Variants in ZFYVE16 observed in about 807,000 individuals in gnomAD.
ZFYVE16 encodes zinc finger FYVE domain-containing protein 16.
Under a neutral mutation model 138.1 loss-of-function variants are expected in ZFYVE16, and 89 were observed. The observed-to-expected ratio is 0.64, with a 90% CI of 0.54 to 0.77. ZFYVE16 has a LOEUF of 0.77. Among genes scored for constraint, ZFYVE16 ranks in the 30% least tolerant of loss-of-function variants. ZFYVE16 has a pLI of 0.00. For synonymous variants in ZFYVE16, 596 were observed against 618.3 expected, an observed-to-expected ratio of 0.96 and a Z score of 0.53; for missense variants, 1,793 against 1,786.7, an observed-to-expected ratio of 1.00 and a Z score of -0.06.
At chr5:80,440,088 T>C (rs1750499286) in intron 5 of ZFYVE16, 56 bp downstream of exon 5, 4 of 1,541,904 alleles carry the variant, frequency 2.6e-6, no homozygotes, top group East Asian at 4.7e-5. Flanking sequence ...TTAAAATTAA[T>C]TGGATTGTGA....
At position 80,421,038 on chromosome 5, in the gene ZFYVE16, GATGGCCA is replaced by G. The variant is rs560724438; in HGVS notation, c.-93-6453_-93-6447del. Among the ~76,000 whole-genome samples, 749 of 152,320 alleles carry G rather than the reference GATGGCCA, an allele frequency of 4.9e-3. 12 individuals carry two copies. Among genetic ancestry groups the G allele is most frequent in the Non-Finnish European group, 3.5e-3 (235 of 68,038 alleles). ...TTGTGGTTTTGATCTGCATTTCTCT[GATGGCCA>G]GTGATGATGAGCATTTTTTCATGTG... is the stretch of plus-strand genomic sequence containing the variant. On this transcript the variant is annotated intron_variant, in intron 1 of 18. Coordinates refer to ENST00000505560, the MANE Select transcript of ZFYVE16 (RefSeq NM_001284236.3).
rs1196040239 is a variant in ZFYVE16 at position 80,433,506 on chromosome 5, C to A, written c.-39-603C>A. On this transcript the variant is annotated intron_variant, in intron 2 of 18. Transcript: ENST00000505560. The stretch of plus-strand genomic sequence containing the variant: ...AATGTAAATGATGAGTTAATGGGTG[C>A]AGCACACCAACATGGGACATGTATA... Among the ~76,000 whole-genome samples the A allele has an allele frequency of 3.3e-5, 5 of 152,088 alleles. No homozygotes were observed. In the East Asian group the frequency reaches 5.8e-4, roughly 18 times the overall value.
intron 7 of ZFYVE16, among the ~76,000 whole-genome samples, chr5:80,447,301 A>T (rs1751483608): frequency 6.6e-6 from 1 of 150,856 alleles, no homozygotes. Flanking sequence ...GAGAGAAAAG[A>T]TGAATATTTA....
At chr5:80,424,099 C>G (rs1747645211) in intron 1 of ZFYVE16, among the ~76,000 whole-genome samples, 1 of 151,490 alleles carries the variant, frequency 6.6e-6, no homozygotes, top group African/African-American at 2.4e-5. Flanking sequence ...GTGCCTGCCA[C>G]CATGCCCAGC....
At position 80,478,563 on chromosome 5, in the gene ZFYVE16, T is replaced by A. The variant is rs924949075; in HGVS notation, c.*1186T>A. On this transcript the variant is annotated 3_prime_UTR_variant, in exon 19 of 19. Coordinates refer to ENST00000505560, the MANE Select transcript of ZFYVE16 (RefSeq NM_001284236.3). The stretch of plus-strand genomic sequence containing the variant: ...AGTTATGTAAAAAATTTAATCATTA[T>A]TTTGATGCTTTAAACATTCTCATGT... 8 of 152,142 alleles carry A rather than the reference T, an allele frequency of 5.3e-5. No homozygotes were observed. Among genetic ancestry groups the A allele is most frequent in the Admixed American group, 2.6e-4 (4 of 15,276 alleles). The allele number at this position is 152,142 out of a possible 1,614,324, so 9.4% of individuals were successfully genotyped here. A position where few individuals can be genotyped will look rare whatever the true frequency, so the allele number is the denominator to read the frequency against.
At chr5:80,425,288 T>C (rs1747832023) in intron 1 of ZFYVE16, among the ~76,000 whole-genome samples, 1 of 152,234 alleles carries the variant, frequency 6.6e-6, no homozygotes, top group Non-Finnish European at 1.5e-5. Flanking sequence ...CATTCAGTTC[T>C]CTCTTAAGCT....
Position 80,480,995 on chromosome 5 carries a change from A to G in ZFYVE16, c.*3618A>G, listed in dbSNP as rs1280749598. On this transcript the variant is annotated 3_prime_UTR_variant, in exon 19 of 19. Transcript: ENST00000505560. The stretch of plus-strand genomic sequence containing the variant: ...GTCCAAGGAACAATTTGCTGTTTCT[A>G]GTCAGAGGACCAGAAAGGAGGTTGG... Among the ~76,000 whole-genome samples the G allele has an allele frequency of 6.6e-6, 1 of 152,228 alleles. No homozygotes were observed. The highest frequency in any genetic ancestry group is 1.5e-5 in the Non-Finnish European group (1 of 68,038).
At chr5:80,454,991 A>G (rs564613455) in intron 11 of ZFYVE16, 39 of 152,270 alleles carry the variant, frequency 2.6e-4, no homozygotes, top group African/African-American at 9.4e-4. Flanking sequence ...ACCCCCTATA[A>G]TTTTGTGGAA....
chr5:80,414,183 G>A (rs887496809), intron 1 of ZFYVE16, among the ~76,000 whole-genome samples: 1 of 151,700 alleles, frequency 6.6e-6, no homozygotes, highest in African/African-American at 2.4e-5. Context: ...TGTGTCTTTT[G>A]TATTCTTTAT....
At chr5:80,452,830 G>T (rs185011553) in intron 11 of ZFYVE16, among the ~76,000 whole-genome samples, 211 of 152,238 alleles carry the variant, frequency 1.4e-3, no homozygotes, top group Non-Finnish European at 2.1e-3. Flanking sequence ...GTATGTACGT[G>T]TGTGTATTTA....
At chr5:80,411,780 C>A (rs1253132581) in intron 1 of ZFYVE16, 1 of 152,200 alleles carries the variant, frequency 6.6e-6, no homozygotes, top group Non-Finnish European at 1.5e-5. Context: ...CAAGGTACTT[C>A]AAACAGTCCA....
rs554712807 is a variant in ZFYVE16 at position 80,481,315 on chromosome 5, G to A, written c.*3938G>A. Among the ~76,000 whole-genome samples the A allele has an allele frequency of 6.2e-4, 94 of 152,310 alleles. No individual in the cohort carries two copies. The highest frequency in any genetic ancestry group is 2.1e-3 in the African/African-American group (88 of 41,572). On this transcript the variant is annotated 3_prime_UTR_variant, in exon 19 of 19. Transcript: ENST00000505560. ...GTTCTAGAAACCAGAGTATAGGTAA[G>A]ATCACAAATAGGAGGGAACTGAAGA... is the stretch of plus-strand genomic sequence containing the variant.
At chr5:80,423,686 C>T (rs755230876) in intron 1 of ZFYVE16, among the ~76,000 whole-genome samples, 24 of 152,024 alleles carry the variant, frequency 1.6e-4, no homozygotes, top group Non-Finnish European at 2.9e-4. Flanking sequence ...CGGGCACCCG[C>T]CACCATGCCT....
At chr5:80,444,532 A>G (rs1483978002) in intron 6 of ZFYVE16, among the ~76,000 whole-genome samples, 1 of 151,882 alleles carries the variant, frequency 6.6e-6, no homozygotes, top group Non-Finnish European at 1.5e-5. Flanking sequence ...GAAAAGAGAA[A>G]AATGTTTATG....
Position 80,478,584 on chromosome 5 carries a change from CAT to C in ZFYVE16, c.*1208_*1209del, listed in dbSNP as rs1052685948. ...ATTATTTTGATGCTTTAAACATTCT[CAT>C]GTGTAATATATGTTTTTGTATCAAA... On this transcript the variant is annotated 3_prime_UTR_variant, in exon 19 of 19. Transcript: ENST00000505560. 3.9e-5 allele frequency: 6 copies of C among 151,960 alleles called. No individual in the cohort carries two copies. The highest frequency in any genetic ancestry group is 2.1e-4 in the South Asian group (1 of 4,834). 9.4% of individuals were successfully genotyped at this position (151,960 alleles called of 1,614,324 possible). A position where few individuals can be genotyped will look rare whatever the true frequency, so the allele number is the denominator to read the frequency against.
chr5:80,448,045 A>G lies in ZFYVE16; in HGVS notation c.2744A>G (p.His915Arg), dbSNP rs1216105637. The G allele has an allele frequency of 6.2e-7, 1 of 1,607,004 alleles. No homozygotes were observed. Reference sequence around the variant, plus strand: ...TTACAGACAGTAAACACAGTGGATCATTCCCATTCTACTACAGTGGAAAAG... The same window carrying G: ...TTACAGACAGTAAACACAGTGGATCGTTCCCATTCTACTACAGTGGAAAAG... ...DVPMTVNTVD[H>R]SHSTTVEKPN... Residue 915 changes from histidine to arginine, a missense_variant, in exon 8 of 19, where the codon CAT becomes CGT. Transcript: ENST00000505560.
At chr5:80,430,615 ACAAAAAACCCTTCAAAAAATCAAT>A (rs1748854406) in intron 2 of ZFYVE16, among the ~76,000 whole-genome samples, 1 of 152,134 alleles carries the variant, frequency 6.6e-6, no homozygotes, top group Non-Finnish European at 1.5e-5. Context: ...AGATAGAGAC[ACAAAAAACCCTTCAAAAAATCAAT>A]GAATCCAGGA....
Position 80,449,595 on chromosome 5 carries a change from T to C in ZFYVE16, c.3108T>C (p.Pro1036=), listed in dbSNP as rs892472576. ...LVASGEKGSV[P]VVEEHPSHEQ... Reference sequence around the variant, plus strand: ...TATATTACTTTCATCATTTAGTGCCTGTAGTAGAAGAACATCCATCTCATG... The same window carrying C: ...TATATTACTTTCATCATTTAGTGCCCGTAGTAGAAGAACATCCATCTCATG... The change falls in exon 9 of 19, where the codon CCT becomes CCC. Residue 1036 remains proline (P), a synonymous_variant. Coordinates refer to ENST00000505560, the MANE Select transcript of ZFYVE16 (RefSeq NM_001284236.3). The C allele has an allele frequency of 6.2e-7, 1 of 1,607,128 alleles. No homozygotes were observed. Among genetic ancestry groups the C allele is most frequent in the Non-Finnish European group, 8.5e-7 (1 of 1,177,680 alleles).
intron 5 of ZFYVE16, among the ~76,000 whole-genome samples, chr5:80,442,180 T>G (rs945259909): frequency 2.0e-5 from 3 of 152,142 alleles, no homozygotes; most frequent in African/African-American, 7.2e-5. Context: ...CTCAGCTCAC[T>G]GCAACCTCCA....
Sources: allele counts gnomAD v4.1 joint callset (sites outside exome capture counted in the v4.1 genomes callset), GRCh38; gene constraint gnomAD v4.1.1; transcripts MANE v1.5; gene names NCBI Gene and HGNC (gene_info 2026-07-23, HGNC 2026-07-21).